Variants in LHX8 observed in about 807,000 individuals in gnomAD.
LHX8 encodes LIM/homeobox protein Lhx8.
A neutral mutation model predicts 40.3 loss-of-function variants in LHX8; 12 were observed. The ratio of observed to expected loss-of-function variants is 0.30; its 90% CI spans 0.19 to 0.48. LHX8 has a LOEUF of 0.48. Ranked by LOEUF, LHX8 falls within the 20% of genes least tolerant of loss-of-function variation. LHX8 has a pLI of 0.99. For missense variants in LHX8, 344 were observed against 433.7 expected (o/e 0.79, Z 1.84); for synonymous variants, 179 against 162.0 (o/e 1.10, Z -0.80).
At chr1:75,152,512 A>G (rs557653467) in intron 7 of LHX8, among the ~76,000 whole-genome samples, 7 of 152,326 alleles carry the variant, frequency 4.6e-5, no homozygotes, top group Admixed American at 3.9e-4. Flanking sequence ...CATCATATTT[A>G]TTGCCACATA....
chr1:75,150,585 C>A (rs1275904145), intron 7 of LHX8, among the ~76,000 whole-genome samples: 2 of 151,920 alleles, frequency 1.3e-5, no homozygotes, highest in Non-Finnish European at 2.9e-5. Flanking sequence ...GGAGAAGAAG[C>A]ATGGAAGCTG....
intron 6 of LHX8, among the ~76,000 whole-genome samples, chr1:75,147,594 G>A (rs1648495742): frequency 6.6e-6 from 1 of 152,152 alleles, no homozygotes; most frequent in Admixed American, 6.6e-5. Context: ...AGTGCTTGAG[G>A]TCTTTAATAG....
intron 3 of LHX8, among the ~76,000 whole-genome samples, chr1:75,138,842 A>G (rs1177251677): frequency 6.6e-6 from 1 of 152,174 alleles, no homozygotes; most frequent in Non-Finnish European, 1.5e-5. Context: ...AGTGAGTTAC[A>G]TAAAGCTTTC....
chr1:75,130,686 G>C, upstream of LHX8: 1 of 1,611,540 alleles, frequency 6.2e-7, no homozygotes, highest in Non-Finnish European at 8.5e-7. Context: ...AGGTGAGCCC[G>C]TATACAGCTC....
At chr1:75,133,202 C>T (rs1240343529), upstream of LHX8, 5 of 152,086 alleles carry the variant, frequency 3.3e-5, no homozygotes. Flanking sequence ...AAAACAATGG[C>T]GATAGGAAAA....
the LHX8 span, among the ~76,000 whole-genome samples, chr1:75,187,302 A>G: frequency 2.6e-5 from 4 of 152,288 alleles, no homozygotes; most frequent in South Asian, 8.3e-4. Flanking sequence ...AGCATGATAG[A>G]CAGTATGCTA....
chr1:75,184,477 C>T, the LHX8 span, among the ~76,000 whole-genome samples: 284 of 152,046 alleles, frequency 1.9e-3, 1 homozygote, highest in Middle Eastern at 0.01. Context: ...TTATCAAAAC[C>T]ACACAATTAC....
chr1:75,181,704 C>T, the LHX8 span, among the ~76,000 whole-genome samples: 1 of 152,206 alleles, frequency 6.6e-6, no homozygotes, highest in African/African-American at 2.4e-5. Context: ...AAGGGCTGCA[C>T]CCACTTTCCG....
At chr1:75,155,594 A>G (rs1648743029) in intron 7 of LHX8, among the ~76,000 whole-genome samples, 1 of 152,142 alleles carries the variant, frequency 6.6e-6, no homozygotes, top group Admixed American at 6.5e-5. Context: ...AAACACAGGC[A>G]TATTAGCTAC....
At chr1:75,177,282 G>A in the LHX8 span, among the ~76,000 whole-genome samples, 912 of 152,158 alleles carry the variant, frequency 6.0e-3, 10 homozygotes, top group African/African-American at 0.02. Context: ...CCATTTTCAC[G>A]ATATTGATTC....
chr1:75,164,802 C>T (rs1648998346), downstream of LHX8, among the ~76,000 whole-genome samples: 1 of 150,826 alleles, frequency 6.6e-6, no homozygotes, highest in African/African-American at 2.4e-5. Context: ...CCCAAGTAGC[C>T]AGAACTACAG....
chr1:75,193,607 C>G, the LHX8 span, among the ~76,000 whole-genome samples: 1 of 152,196 alleles, frequency 6.6e-6, no homozygotes, highest in African/African-American at 2.4e-5. Context: ...TGCTTCTTTT[C>G]TTTCCTGCTA....
chr1:75,178,824 C>T, the LHX8 span, among the ~76,000 whole-genome samples: 1 of 152,172 alleles, frequency 6.6e-6, no homozygotes, highest in Non-Finnish European at 1.5e-5. Context: ...CTATAAATTT[C>T]CCTGTACACA....
chr1:75,179,608 A>G, the LHX8 span, among the ~76,000 whole-genome samples: 2 of 151,118 alleles, frequency 1.3e-5, no homozygotes, highest in African/African-American at 4.9e-5. Flanking sequence ...GGTCTCCTGA[A>G]TACAGCACTC....
the LHX8 span, among the ~76,000 whole-genome samples, chr1:75,189,397 A>C: frequency 6.6e-6 from 1 of 152,200 alleles, no homozygotes; most frequent in Non-Finnish European, 1.5e-5. Context: ...TTAATTTATA[A>C]AAATATCATG....
the LHX8 span, among the ~76,000 whole-genome samples, chr1:75,177,414 G>A: frequency 6.6e-6 from 1 of 152,118 alleles, no homozygotes; most frequent in African/African-American, 2.4e-5. Context: ...GGATTCCTAG[G>A]TATTTTATTC....
At chr1:75,178,055 T>C in the LHX8 span, among the ~76,000 whole-genome samples, 1 of 152,226 alleles carries the variant, frequency 6.6e-6, no homozygotes, top group Non-Finnish European at 1.5e-5. Context: ...AGCTTTTTGA[T>C]GTGCTGCTGG....
At chr1:75,151,618 G>C (rs568132434) in intron 7 of LHX8, among the ~76,000 whole-genome samples, 1 of 152,156 alleles carries the variant, frequency 6.6e-6, no homozygotes, top group African/African-American at 2.4e-5. Flanking sequence ...CAAATGGCAC[G>C]GACTACCAAG....
chr1:75,176,685 C>A, the LHX8 span, among the ~76,000 whole-genome samples: 1 of 152,106 alleles, frequency 6.6e-6, no homozygotes, highest in East Asian at 1.9e-4. Flanking sequence ...TAATTAGATC[C>A]CATTTGAAAC....
Sources: allele counts gnomAD v4.1 joint callset (sites outside exome capture counted in the v4.1 genomes callset), GRCh38; gene constraint gnomAD v4.1.1; transcripts MANE v1.5; gene names NCBI Gene and HGNC (gene_info 2026-07-23, HGNC 2026-07-21).